RAPGEF5: variants seen among roughly 807,000 people sequenced by gnomAD.
The protein encoded by RAPGEF5 is Rap guanine nucleotide exchange factor 5, also known as M-Ras-regulated GEF.
Under a neutral mutation model 125.2 loss-of-function variants are expected in RAPGEF5, and 65 were observed. The ratio of observed to expected loss-of-function variants is 0.52; its 90% confidence interval spans 0.43 to 0.64. RAPGEF5 has a LOEUF of 0.64. Among genes scored for constraint, RAPGEF5 ranks in the 30% least tolerant of loss-of-function variants. The probability of loss-of-function intolerance (pLI) is 0.00; values close to 1 mark genes in which losing one functional copy is unlikely to be tolerated. For missense variants in RAPGEF5, 958 were observed against 1,048.1 expected, an observed-to-expected ratio of 0.91 and a Z score of 1.19; for synonymous variants, 391 against 385.9, an observed-to-expected ratio of 1.01 and a Z score of -0.16.
At chr7:22,223,603 G>A (rs1231303513) in intron 8 of RAPGEF5, among the ~76,000 whole-genome samples, 1 of 152,078 alleles carries the variant, frequency 6.6e-6, no homozygotes, top group Non-Finnish European at 1.5e-5. Flanking sequence ...GAGGGAGAAG[G>A]GGGCATTTTC....
intron 7 of RAPGEF5, among the ~76,000 whole-genome samples, chr7:22,265,812 C>T (rs568534394): frequency 1.3e-5 from 2 of 152,230 alleles, no homozygotes; most frequent in South Asian, 4.1e-4. Context: ...TTTTGATTTG[C>T]ATTTCCCTCC....
At chr7:22,155,816 AG>A (rs1452013675) in intron 16 of RAPGEF5, among the ~76,000 whole-genome samples, 1 of 152,258 alleles carries the variant, frequency 6.6e-6, no homozygotes, top group Non-Finnish European at 1.5e-5. Context: ...CACTATATGC[AG>A]GGTAAGTTTA....
intron 21 of RAPGEF5, 69 bp from the exon 22 acceptor site, chr7:22,137,052 A>G: frequency 8.6e-7 from 1 of 1,165,524 alleles, no homozygotes; most frequent in Non-Finnish European, 1.2e-6. Context: ...CATCGAAGGG[A>G]GTTTTCATTA....
intron 3 of RAPGEF5, among the ~76,000 whole-genome samples, chr7:22,311,088 C>T (rs1783459564): frequency 6.6e-6 from 1 of 152,106 alleles, no homozygotes; most frequent in African/African-American, 2.4e-5. Flanking sequence ...TGCTGTGGTG[C>T]AATCTCGGCT....
intron 3 of RAPGEF5, 50 bp from the exon 4 acceptor site, chr7:22,310,140 GC>G (rs1783435259): frequency 2.8e-6 from 4 of 1,427,852 alleles, no homozygotes; most frequent in Non-Finnish European, 2.8e-6. Context: ...ACATCCGTTT[GC>G]CAAAAAAACA....
chr7:22,272,366 AG>A (rs1292142335), intron 6 of RAPGEF5, among the ~76,000 whole-genome samples: 1 of 107,878 alleles, frequency 9.3e-6, no homozygotes, highest in African/African-American at 3.2e-5. Flanking sequence ...AAAAAAAAGA[AG>A]GAAAAAAAAG....
At chr7:22,302,485 CAAGA>C (rs1446978041) in intron 5 of RAPGEF5, among the ~76,000 whole-genome samples, 1 of 152,114 alleles carries the variant, frequency 6.6e-6, no homozygotes, top group African/African-American at 2.4e-5. Flanking sequence ...AAAAGAATGC[CAAGA>C]ACAGTTATAT....
chr7:22,176,820 T>C (rs1487547594), intron 11 of RAPGEF5, among the ~76,000 whole-genome samples: 1 of 152,186 alleles, frequency 6.6e-6, no homozygotes, highest in Non-Finnish European at 1.5e-5. Context: ...CGTGAGCCAC[T>C]GCGCCTGGCC....
chr7:22,300,649 C>T (rs1378160865), intron 5 of RAPGEF5, among the ~76,000 whole-genome samples: 1 of 152,114 alleles, frequency 6.6e-6, no homozygotes, highest in African/African-American at 2.4e-5. Flanking sequence ...GTAGTTCATA[C>T]ACAAAATTAA....
chr7:22,218,411 T>C (rs1033170633), intron 9 of RAPGEF5, among the ~76,000 whole-genome samples: 40 of 152,196 alleles, frequency 2.6e-4, no homozygotes, highest in Non-Finnish European at 5.6e-4. Flanking sequence ...ACTGGTTTAC[T>C]GGACCTAACT....
chr7:22,309,969 C>G lies in RAPGEF5; in HGVS notation c.511G>C (p.Val171Leu). ...TGTGCCTTCAAGACATAATACTAAC[C>G]TGATAACATAATTCCCATGTCCAGT... ...LLLDMGIMLS[V>L]DQHLYFQDTY... Residue 171 changes from valine to leucine, a missense_variant and splice_region_variant, in exon 4 of 26, where the codon GTG becomes CTG. Transcript: ENST00000665637. 1 of 1,579,694 alleles carries G rather than the reference C, an allele frequency of 6.3e-7. No homozygotes were observed. Among genetic ancestry groups the G allele is most frequent in the Non-Finnish European group, 8.6e-7 (1 of 1,168,812 alleles).
chr7:22,130,986 G>A, intron 24 of RAPGEF5, 51 bp downstream of exon 24: 3 of 1,527,802 alleles, frequency 2.0e-6, no homozygotes, highest in Admixed American at 2.1e-5. Flanking sequence ...GGAAAGAAAG[G>A]CATACATTTC....
At position 22,136,794 on chromosome 7, in the gene RAPGEF5, G is replaced by C. The variant is rs1046578412; in HGVS notation, c.2328+139C>G. 3.6e-5 allele frequency: 25 copies of C among 700,286 alleles called. 3 individuals are homozygous for C. In the Admixed American group the frequency reaches 5.7e-4, roughly 16 times the overall value. 43.4% of individuals were successfully genotyped at this position (700,286 alleles called of 1,614,324 possible). ...CTTGCTTCCCTCCATAAGAAGCAAA[G>C]CTACAGTTTCATATACAAGTAAACT... On this transcript the variant is annotated intron_variant, in intron 22 of 25. Transcript: ENST00000665637.
At chr7:22,327,836 A>C (rs949677065) in intron 1 of RAPGEF5, among the ~76,000 whole-genome samples, 2 of 152,244 alleles carry the variant, frequency 1.3e-5, no homozygotes, top group Non-Finnish European at 2.9e-5. Flanking sequence ...CTGGGCTCCA[A>C]CCCATGGATT....
intron 6 of RAPGEF5, among the ~76,000 whole-genome samples, chr7:22,278,723 C>T (rs1282885000): frequency 6.7e-6 from 1 of 149,350 alleles, no homozygotes; most frequent in East Asian, 1.9e-4. Flanking sequence ...AAAAGGTCAC[C>T]TACTTCGGTT....
Position 22,140,239 on chromosome 7 carries a change from C to T in RAPGEF5, c.2187-124G>A, listed in dbSNP as rs566312912. 1.5e-4 allele frequency: 117 copies of T among 802,714 alleles called. 2 individuals carry two copies. The highest frequency in any genetic ancestry group is 8.7e-4 in the South Asian group (52 of 59,648). 49.7% of individuals were successfully genotyped at this position (802,714 alleles called of 1,614,324 possible). A position where few individuals can be genotyped will look rare whatever the true frequency, so the allele number is the denominator to read the frequency against. ...CTCAGGAATTCTGCTCTACAGCCTA[C>T]GTACCCCTTACTGCCCTTCAGCTGT... On this transcript the variant is annotated intron_variant, in intron 20 of 25. Coordinates refer to ENST00000665637, the MANE Select transcript of RAPGEF5 (RefSeq NM_012294.5).
chr7:22,319,303 C>CA (rs1377349347), intron 1 of RAPGEF5, among the ~76,000 whole-genome samples: 1 of 152,182 alleles, frequency 6.6e-6, no homozygotes, highest in Admixed American at 6.5e-5. Context: ...GCTAAATGTA[C>CA]AAAACATGCC....
intron 12 of RAPGEF5, among the ~76,000 whole-genome samples, chr7:22,163,278 C>T (rs1341524502): frequency 2.6e-5 from 4 of 151,146 alleles, no homozygotes; most frequent in Non-Finnish European, 5.9e-5. Context: ...AGGAAATAAC[C>T]TAAATGCCTC....
intron 11 of RAPGEF5, among the ~76,000 whole-genome samples, chr7:22,177,598 G>A (rs765053760): frequency 5.9e-5 from 9 of 152,190 alleles, no homozygotes; most frequent in South Asian, 4.1e-4. Flanking sequence ...TGATAATCAC[G>A]GAATCACCAC....
Sources: allele counts gnomAD v4.1 joint callset (sites outside exome capture counted in the v4.1 genomes callset), GRCh38; gene constraint gnomAD v4.1.1; transcripts MANE v1.5; gene names NCBI Gene and HGNC (gene_info 2026-07-23, HGNC 2026-07-21).